Variants in TULP3 observed in about 807,000 individuals in gnomAD.
The protein encoded by TULP3 is tubby-related protein 3.
Under a neutral mutation model 50.7 loss-of-function variants are expected in TULP3, and 38 were observed. The ratio of observed to expected loss-of-function variants is 0.75; its 90% CI spans 0.58 to 0.98. TULP3 has a LOEUF of 0.98. Among genes scored for constraint, TULP3 ranks in the 50% least tolerant of loss-of-function variants. The pLI is 0.00. For missense variants in TULP3, 550 were observed against 568.0 expected (o/e 0.97, Z 0.32); for synonymous variants, 183 against 196.6 (o/e 0.93, Z 0.58).
intron 2 of TULP3, among the ~76,000 whole-genome samples, chr12:2,912,687 C>G (rs1241073709): frequency 6.6e-6 from 1 of 152,172 alleles, no homozygotes; most frequent in Non-Finnish European, 1.5e-5. Context: ...GAATCACTTT[C>G]TAGTGAACTG....
chr12:2,936,545 A>G (rs932128280), intron 8 of TULP3, among the ~76,000 whole-genome samples: 10 of 151,626 alleles, frequency 6.6e-5, no homozygotes, highest in African/African-American at 2.2e-4. Flanking sequence ...GAGGTCGGGA[A>G]TTCGAGACCA....
Position 2,922,373 on chromosome 12 carries a change from C to T in TULP3, c.365C>T (p.Pro122Leu). 1 of 1,613,960 alleles carries T rather than the reference C, an allele frequency of 6.2e-7. No homozygotes were observed. Among genetic ancestry groups the T allele is most frequent in the Non-Finnish European group, 8.5e-7 (1 of 1,179,988 alleles). Residue 122 changes from proline to leucine, a missense_variant, in exon 4 of 11, where the codon CCA (proline) becomes CTA (leucine). Physicochemically the swap from Pro to Leu is moderately conservative, Grantham distance 98 (BLOSUM62 -3). Coordinates refer to ENST00000448120, the MANE Select transcript of TULP3 (RefSeq NM_003324.5). ...AENTVDTASK[P>L]GLQERLQKHD... The stretch of plus-strand genomic sequence containing the variant: ...AACACCGTGGATACTGCTTCCAAGC[C>T]AGGACTTCAGGAGCGTCTCCAAAAG...
rs775930305 is a variant in TULP3 at position 2,920,782 on chromosome 12, G to A, written c.113G>A (p.Arg38Lys). The A allele has an allele frequency of 5.0e-6, 8 of 1,614,114 alleles. No homozygotes were observed. In the South Asian group the frequency reaches 8.8e-5, roughly 18 times the overall value. ...LDYQRLLLEKRQRKKRLEPFM... is the reference protein window; with the variant it reads ...LDYQRLLLEKKQRKKRLEPFM... ...TCCCAGAGGCTACTACTTGAGAAGA[G>A]GCAAAGGAAAAAGCGCCTTGAGCCA... The change falls in exon 3 of 11, where the codon AGG becomes AAG. Residue 38 changes from arginine (R) to lysine (K), a missense_variant. Transcript: ENST00000448120.
intron 1 of TULP3, among the ~76,000 whole-genome samples, chr12:2,903,990 G>T (rs534389786): frequency 1.7e-4 from 26 of 152,100 alleles, no homozygotes; most frequent in African/African-American, 6.3e-4. Flanking sequence ...CACTGTGTTG[G>T]CCGGGGTGGT....
intron 4 of TULP3, among the ~76,000 whole-genome samples, chr12:2,923,332 T>G (rs1317062648): frequency 6.6e-6 from 1 of 152,150 alleles, no homozygotes; most frequent in Non-Finnish European, 1.5e-5. Flanking sequence ...AATGAACGTT[T>G]AAACAAATTT....
At chr12:2,913,778 T>G (rs1007877213) in intron 2 of TULP3, among the ~76,000 whole-genome samples, 1 of 151,900 alleles carries the variant, frequency 6.6e-6, no homozygotes, top group Non-Finnish European at 1.5e-5. Context: ...ACCTGGCTAA[T>G]TTTTGTATTT....
Position 2,939,194 on chromosome 12 carries a change from A to G in TULP3, c.1196-117A>G. On this transcript the variant is annotated intron_variant, in intron 10 of 10. Coordinates refer to ENST00000448120, the MANE Select transcript of TULP3 (RefSeq NM_003324.5). This position sits in a 1 kb window ranked among gnomAD's most constrained non-coding sequence, Gnocchi z 4.0. ...TGCAGTGAGCTGTGGTCATTCCACT[A>G]GGCTCCAGCCAGGGCGACAGAGCAA... The G allele has an allele frequency of 8.6e-7, 1 of 1,157,124 alleles. No individual in the cohort carries two copies. Among genetic ancestry groups the G allele is most frequent in the Non-Finnish European group, 1.2e-6 (1 of 810,144 alleles). 71.7% of individuals were successfully genotyped at this position (1,157,124 alleles called of 1,614,324 possible). A position where few individuals can be genotyped will look rare whatever the true frequency, so the allele number is the denominator to read the frequency against.
intron 1 of TULP3, among the ~76,000 whole-genome samples, chr12:2,895,774 A>G (rs1028133193): frequency 2.0e-5 from 3 of 152,156 alleles, no homozygotes; most frequent in Non-Finnish European, 4.4e-5. Context: ...GTCATAGTGT[A>G]CACAAACCTT....
chr12:2,923,392 C>T (rs1043761456), intron 4 of TULP3, among the ~76,000 whole-genome samples: 27 of 152,082 alleles, frequency 1.8e-4, no homozygotes, highest in Non-Finnish European at 3.1e-4. Flanking sequence ...TAGTGGCTCA[C>T]GCCTATAATT....
At chr12:2,901,064 T>C (rs1166279780) in intron 1 of TULP3, among the ~76,000 whole-genome samples, 2 of 151,936 alleles carry the variant, frequency 1.3e-5, no homozygotes, top group South Asian at 2.1e-4. Flanking sequence ...TATCTTTTCA[T>C]GTGCTTATTA....
chr12:2,914,119 A>G (rs561312926), intron 2 of TULP3, among the ~76,000 whole-genome samples: 139 of 137,198 alleles, frequency 1.0e-3, no homozygotes, highest in Middle Eastern at 7.2e-3. Context: ...TATACAATAA[A>G]TAATTCTTTT....
chr12:2,907,638 ACT>A (rs1030523510), intron 1 of TULP3, among the ~76,000 whole-genome samples: 2 of 138,668 alleles, frequency 1.4e-5, no homozygotes, highest in African/African-American at 5.6e-5. Context: ...GGAGAGAGAG[ACT>A]CTGTCTCAAA....
chr12:2,917,808 C>T lies in TULP3; in HGVS notation c.94-2955C>T, dbSNP rs1037402667. Among the ~76,000 whole-genome samples, 10 of 151,318 alleles carry T rather than the reference C, an allele frequency of 6.6e-5. No homozygotes were observed. The East Asian group carries it at 7.9e-4, about 12-fold the overall frequency. On this transcript the variant is annotated intron_variant, in intron 2 of 10. Coordinates refer to ENST00000448120, the MANE Select transcript of TULP3 (RefSeq NM_003324.5). ...AGGAGAATGGCGTGAACCCGGGAGG[C>T]GGAGCTTGCAGTGAGCCGAGATCGC...
At chr12:2,894,287 C>CGG (rs879537931) in intron 1 of TULP3, among the ~76,000 whole-genome samples, 27 of 4,158 alleles carry the variant, frequency 6.5e-3, no homozygotes, top group African/African-American at 7.4e-3. Context: ...GCCGAGATGG[C>CGG]GGGGGGGCGG....
intron 2 of TULP3, 93 bp downstream of exon 2, chr12:2,909,673 A>G: frequency 2.3e-6 from 3 of 1,306,260 alleles, no homozygotes; most frequent in Non-Finnish European, 3.2e-6. Context: ...AGGGCTATGG[A>G]AAGAAGACTG....
At chr12:2,902,500 T>C (rs980501642) in intron 1 of TULP3, among the ~76,000 whole-genome samples, 2 of 152,212 alleles carry the variant, frequency 1.3e-5, no homozygotes, top group East Asian at 1.9e-4. Flanking sequence ...AGCATCCTTA[T>C]CTGGCACAGT....
At chr12:2,901,706 T>C (rs2098179425) in intron 1 of TULP3, among the ~76,000 whole-genome samples, 2 of 152,156 alleles carry the variant, frequency 1.3e-5, no homozygotes. Flanking sequence ...AGGTTGTTTG[T>C]CTTAATCTGT....
At chr12:2,906,978 G>A (rs942147663) in intron 1 of TULP3, among the ~76,000 whole-genome samples, 2 of 151,934 alleles carry the variant, frequency 1.3e-5, no homozygotes, top group Non-Finnish European at 2.9e-5. Context: ...CCATAACAGT[G>A]GACTTTTTTC....
intron 1 of TULP3, among the ~76,000 whole-genome samples, chr12:2,902,919 T>A (rs1038290128): frequency 1.3e-5 from 2 of 151,398 alleles, no homozygotes; most frequent in Non-Finnish European, 2.9e-5. Flanking sequence ...TAGAGTGTCA[T>A]GGCGTGATCC....
Sources: gnomAD v4.1 joint callset for allele counts (sites outside exome capture counted in the v4.1 genomes callset) on GRCh38, gnomAD v4.1.1 for gene constraint, Gnocchi (gnomAD v3.1) non-coding constraint, MANE v1.5 for transcripts, NCBI Gene and HGNC (gene_info 2026-07-23, HGNC 2026-07-21) for gene names.